Variants in WDR47 observed in about 807,000 individuals in gnomAD.
WDR47 encodes the protein WD repeat-containing protein 47.
In WDR47, 32 loss-of-function variants were observed where a neutral mutation model predicts 97.2. That is an observed-to-expected ratio of 0.33 (90% confidence interval 0.25 to 0.44). The LOEUF is 0.44. Ranked by LOEUF, WDR47 falls within the 20% of genes least tolerant of loss-of-function variation. The probability of loss-of-function intolerance (pLI) is 1.00; values close to 1 mark genes in which losing one functional copy is unlikely to be tolerated. For missense variants in WDR47, 782 were observed against 1,102.3 expected (o/e 0.71, Z 4.11); for synonymous variants, 375 against 373.5 (o/e 1.00, Z -0.05).
chr1:108,974,877 G>A lies in WDR47; in HGVS notation c.2399-123C>T, dbSNP rs775551727. 9.3e-5 allele frequency: 74 copies of A among 798,972 alleles called. 1 individual carries two copies. The highest frequency in any genetic ancestry group is 1.1e-4 in the Admixed American group (4 of 35,596). 49.5% of individuals were successfully genotyped at this position (798,972 alleles called of 1,614,324 possible). On this transcript the variant is annotated intron_variant, in intron 13 of 14. Coordinates refer to ENST00000369962, the MANE Select transcript of WDR47 (RefSeq NM_001142551.2). ...ATGTAGTTTATCAATACTATTCAGC[G>A]ATGAAAAAATCCAAATTAACAGTTA...
intron 13 of WDR47, among the ~76,000 whole-genome samples, chr1:108,978,517 T>C (rs1207093779): frequency 6.6e-6 from 1 of 151,346 alleles, no homozygotes; most frequent in Non-Finnish European, 1.5e-5. Flanking sequence ...AAGAATTTTA[T>C]GAGCCTAGCA....
chr1:109,000,738 T>C (rs1473289526), intron 7 of WDR47, among the ~76,000 whole-genome samples: 2 of 152,030 alleles, frequency 1.3e-5, no homozygotes, highest in Non-Finnish European at 2.9e-5. Context: ...TTGTGAAGGT[T>C]TGAAGACAGG....
At chr1:108,998,834 C>T (rs993556301) in intron 7 of WDR47, among the ~76,000 whole-genome samples, 8 of 152,148 alleles carry the variant, frequency 5.3e-5, no homozygotes, top group Admixed American at 2.6e-4. Flanking sequence ...GGAAAAAGCA[C>T]ATTTTATAGA....
At chr1:109,022,923 G>T (rs964858878) in intron 2 of WDR47, among the ~76,000 whole-genome samples, 2 of 150,348 alleles carry the variant, frequency 1.3e-5, no homozygotes, top group Non-Finnish European at 3.0e-5. Context: ...TATTTTTTTA[G>T]GTCGGGTGCG....
At chr1:109,025,250 C>A (rs1354409654) in intron 1 of WDR47, among the ~76,000 whole-genome samples, 1 of 151,294 alleles carries the variant, frequency 6.6e-6, no homozygotes, top group East Asian at 1.9e-4. Flanking sequence ...CAAGCCTGGG[C>A]AACATGGCGA....
chr1:109,016,677 A>T (rs1383228056), intron 3 of WDR47, among the ~76,000 whole-genome samples: 1 of 152,190 alleles, frequency 6.6e-6, no homozygotes, highest in East Asian at 1.9e-4. Flanking sequence ...CCTAAGTTAA[A>T]TAACTGCCTG....
At chr1:108,974,905 C>T (rs1311431451) in intron 13 of WDR47, 151 bp from the exon 14 acceptor site, 1 of 699,818 alleles carries the variant, frequency 1.4e-6, no homozygotes, top group Non-Finnish European at 2.3e-6. Flanking sequence ...AACAGTTAAC[C>T]AATAAACAGT....
chr1:109,026,270 C>T (rs1247118310), intron 1 of WDR47, among the ~76,000 whole-genome samples: 2 of 151,592 alleles, frequency 1.3e-5, no homozygotes, highest in African/African-American at 2.4e-5. Context: ...AGGCTGCTCT[C>T]GAACTCCTGG....
At chr1:109,002,469 C>A in intron 6 of WDR47, 67 bp from the exon 7 acceptor site, 1 of 1,212,876 alleles carries the variant, frequency 8.2e-7, no homozygotes, top group South Asian at 1.8e-5. Flanking sequence ...TTAACAGTAC[C>A]TTTTATAAAT....
intron 2 of WDR47, among the ~76,000 whole-genome samples, chr1:109,019,840 C>T (rs1461330511): frequency 6.6e-6 from 1 of 152,184 alleles, no homozygotes; most frequent in African/African-American, 2.4e-5. Context: ...TCTTTTCTTA[C>T]ACAACGGCAA....
In WDR47 at chr1:108,986,635, CT is replaced by C; in HGVS notation, c.1812del (p.Asp605ThrfsTer26). The C allele has an allele frequency of 1.2e-6, 2 of 1,613,362 alleles. No individual in the cohort carries two copies. Among genetic ancestry groups the C allele is most frequent in the Non-Finnish European group, 1.7e-6 (2 of 1,179,600 alleles). ...KKQFVCINIL[E>X]DTQAVRAVAF... ...GCCACTGCTCTAACAGCTTGTGTGT[CT>C]TCTAGGATATTAATACAAACAAACT... On this transcript the variant is annotated frameshift_variant, in exon 10 of 15. Transcript: ENST00000369962. LOFTEE classifies it high-confidence loss of function.
chr1:108,995,877 T>C (rs1370422588), intron 7 of WDR47, 40 bp from the exon 8 acceptor site: 1 of 1,583,752 alleles, frequency 6.3e-7, no homozygotes, highest in Admixed American at 1.7e-5. Context: ...AAATAAAAAC[T>C]TAATTGCATT....
intron 2 of WDR47, among the ~76,000 whole-genome samples, chr1:109,021,498 A>C (rs1661835360): frequency 6.9e-6 from 1 of 145,298 alleles, no homozygotes; most frequent in Non-Finnish European, 1.5e-5. Context: ...ACTGCACCCC[A>C]GCCTAGGTGA....
Position 108,983,321 on chromosome 1 carries a change from T to C in WDR47, c.2056A>G (p.Lys686Glu). 3 of 1,612,688 alleles carry C rather than the reference T, an allele frequency of 1.9e-6. No individual in the cohort carries two copies. The highest frequency in any genetic ancestry group is 2.5e-6 in the Non-Finnish European group (3 of 1,179,348). Reference protein sequence around the residue: ...LATGSNDKYVKVLPFNAETCN... With the variant: ...LATGSNDKYVEVLPFNAETCN... ...GTCTCTGCATTGAAGGGCAGCACTT[T>C]GACGTATTTGTCATTTGATCCTGTT... The change falls in exon 11 of 15, where the codon AAA becomes GAA. Residue 686 changes from lysine (K) to glutamate (E), a missense_variant. Around this residue, in one of 3 missense-constraint regions of WDR47, gnomAD observed 228 missense variants for 396.7 expected, o/e 0.57. Coordinates refer to ENST00000369962, the MANE Select transcript of WDR47 (RefSeq NM_001142551.2).
chr1:109,008,192 A>G (rs1451362042), intron 5 of WDR47, among the ~76,000 whole-genome samples: 1 of 152,166 alleles, frequency 6.6e-6, no homozygotes, highest in Non-Finnish European at 1.5e-5. Context: ...AAGCACATGA[A>G]AGAAAATATC....
rs1269526141 is a variant in WDR47, at chr1:109,011,308, T to C, written c.738A>G (p.Ser246=). The part of the protein sequence containing the change: ...GCDDLDLSLL[S]WLQNLPSSVF... Reference sequence around the variant, plus strand: ...CAGAAGATGGAAGATTCTGAAGCCATGACAGTAAACTCAGATCCAAATCAT... The same window carrying C: ...CAGAAGATGGAAGATTCTGAAGCCACGACAGTAAACTCAGATCCAAATCAT... The change falls in exon 5 of 15, where the codon TCA becomes TCG. Residue 246 remains serine (S), a synonymous_variant. Coordinates refer to ENST00000369962, the MANE Select transcript of WDR47 (RefSeq NM_001142551.2). 16 of 1,614,074 alleles carry C rather than the reference T, an allele frequency of 9.9e-6. No homozygotes were observed. Among genetic ancestry groups the C allele is most frequent in the Middle Eastern group, 1.6e-4 (1 of 6,084 alleles).
intron 9 of WDR47, among the ~76,000 whole-genome samples, chr1:108,990,991 G>T (rs947589541): frequency 4.7e-5 from 7 of 148,848 alleles, no homozygotes; most frequent in Non-Finnish European, 9.0e-5. Flanking sequence ...AGTTTGTGGG[G>T]TTTTTTTTTG....
Position 108,988,339 on chromosome 1 carries a change from ATAGAG to A in WDR47, c.1768-1664_1768-1660del, listed in dbSNP as rs1659023871. Among the ~76,000 whole-genome samples, 4 of 152,134 alleles carry A rather than the reference ATAGAG, an allele frequency of 2.6e-5. No homozygotes were observed. In the South Asian group the frequency reaches 8.3e-4, roughly 32 times the overall value. Reference sequence around the variant, plus strand: ...AAAAGCCCACTAGAAGTTCTAACAAATAGAGTTTCATTTGTGTTTCTAAATGAAGG... The same window carrying A: ...AAAAGCCCACTAGAAGTTCTAACAAATTTCATTTGTGTTTCTAAATGAAGG... On this transcript the variant is annotated intron_variant, in intron 9 of 14. Transcript: ENST00000369962.
intron 1 of WDR47, among the ~76,000 whole-genome samples, chr1:109,025,430 CAAAAAAAAA>C (rs34794200): frequency 1.5e-4 from 15 of 101,774 alleles, no homozygotes; most frequent in African/African-American, 6.0e-4. Flanking sequence ...GACTCTGCCT[CAAAAAAAAA>C]AAAAAAAAAA....
Sources: allele counts gnomAD v4.1 joint callset (sites outside exome capture counted in the v4.1 genomes callset), GRCh38; gene constraint gnomAD v4.1.1; regional missense constraint gnomAD v4.1.1; transcripts MANE v1.5; gene names NCBI Gene and HGNC (gene_info 2026-07-23, HGNC 2026-07-21).